The following SSC5D variants were observed in gnomAD, a reference collection of about 807,000 sequenced individuals.
The protein encoded by SSC5D is scavenger receptor cysteine rich family member with 5 domains.
SSC5D carries 106 observed loss-of-function variants against 104.6 expected under a neutral mutation model. That is an observed-to-expected ratio of 1.01 (90% CI 0.87 to 1.19). The LOEUF (loss-of-function observed/expected upper bound fraction) is 1.19, where lower values mean the gene tolerates loss of function less well. SSC5D is among the 50% of genes most tolerant of loss of function. The pLI, the probability that SSC5D is intolerant of heterozygous loss-of-function variation, is 0.00. For synonymous variants in SSC5D, 860 were observed against 883.5 expected (o/e 0.97, Z 0.47); for missense variants, 1,993 against 2,153.8 (o/e 0.93, Z 1.48).
intron 13 of SSC5D, among the ~76,000 whole-genome samples, 162 bp downstream of exon 13, chr19:55,513,334 A>G (rs1330630159): frequency 6.6e-6 from 1 of 152,186 alleles, no homozygotes; most frequent in Admixed American, 6.5e-5. Context: ...CATGCCTGTA[A>G]TCACAGCACT....
chr19:55,490,128 C>T, intron 4 of SSC5D, 133 bp downstream of exon 4: 1 of 632,028 alleles, frequency 1.6e-6, no homozygotes. Context: ...GGGACCTCTG[C>T]AGTATGAACT....
chr19:55,508,903 T>C (rs1437754080), intron 12 of SSC5D, among the ~76,000 whole-genome samples: 1 of 90,662 alleles, frequency 1.1e-5, no homozygotes, highest in East Asian at 3.5e-4. Context: ...GGAGGCCTCC[T>C]GAGGGCATGG....
At chr19:55,504,842 G>A (rs1987603174) in intron 12 of SSC5D, among the ~76,000 whole-genome samples, 1 of 152,146 alleles carries the variant, frequency 6.6e-6, no homozygotes, top group Non-Finnish European at 1.5e-5. Context: ...AGGGTTGTTG[G>A]AAAGGTGGAA....
At position 55,513,090 on chromosome 19, in the gene SSC5D, A is replaced by G; in HGVS notation, c.2865A>G (p.Ala955=). 1 of 1,550,586 alleles carries G rather than the reference A, an allele frequency of 6.4e-7. No individual in the cohort carries two copies. The change falls in exon 13 of 14, where the codon GCA becomes GCG. Residue 955 remains alanine, a synonymous_variant. Transcript: ENST00000389623. ...GRGLAEGTPT[A]GKLGPTLGAG... is the part of the protein sequence containing the mutation. Reference sequence around the variant, plus strand: ...GCCTGGCTGAGGGGACCCCTACCGCAGGCAAACTAGGACCAACTCTTGGGG... The same window carrying G: ...GCCTGGCTGAGGGGACCCCTACCGCGGGCAAACTAGGACCAACTCTTGGGG...
chr19:55,517,176 G>A (rs1987889458), intron 13 of SSC5D, 48 bp from the exon 14 acceptor site: 1 of 1,474,910 alleles, frequency 6.8e-7, no homozygotes. Flanking sequence ...CGTGGTGGGC[G>A]GAGCCGGTTG....
chr19:55,507,077 G>C (rs1446778031), intron 12 of SSC5D, among the ~76,000 whole-genome samples: 1 of 151,944 alleles, frequency 6.6e-6, no homozygotes, highest in African/African-American at 2.4e-5. Flanking sequence ...GCTGAGGCAG[G>C]AGAATCGCTT....
At position 55,500,847 on chromosome 19, in the gene SSC5D, CAGG is replaced by C. The variant is rs1400697410; in HGVS notation, c.2617+46_2617+48del. 9.2e-6 allele frequency: 14 copies of C among 1,520,924 alleles called. No individual in the cohort carries two copies. The South Asian group carries it at 1.6e-4, about 18-fold the overall frequency. 94.2% of individuals were successfully genotyped at this position (1,520,924 alleles called of 1,614,324 possible). On this transcript the variant is annotated intron_variant, in intron 11 of 13. Transcript: ENST00000389623. The surrounding 1 kb of genome is among the most constrained non-coding windows in gnomAD (Gnocchi z 4.6). Reference sequence around the variant, plus strand: ...CGGTGGTGGGGTTGTCGGGGGTGGCCAGGAGAATGGAGTCAGGGTGGGGCCAGG... The same window carrying C: ...CGGTGGTGGGGTTGTCGGGGGTGGCCAGAATGGAGTCAGGGTGGGGCCAGG...
chr19:55,497,875 C>T lies in SSC5D; in HGVS notation c.1388-5C>T, dbSNP rs934595309. 6.5e-7 allele frequency: 1 copy of T among 1,527,526 alleles called. No homozygotes were observed. The allele number at this position is 1,527,526 out of a possible 1,614,324, so 94.6% of individuals were successfully genotyped here. ...CTCTAATTCTTTGGGTCTCTTCTAC[C>T]CCAGGGTCCCCCCAGCTGCGCCTGG... is the stretch of plus-strand genomic sequence containing the variant. On this transcript the variant is annotated splice_polypyrimidine_tract_variant and splice_region_variant and intron_variant, in intron 8 of 13. Coordinates refer to ENST00000389623, the MANE Select transcript of SSC5D (RefSeq NM_001144950.2).
chr19:55,500,577 GTGA>G lies in SSC5D; in HGVS notation c.2394_2396del (p.Asp799del), dbSNP rs1268764254. 6.4e-7 allele frequency: 1 copy of G among 1,551,658 alleles called. No homozygotes were observed. The highest frequency in any genetic ancestry group is 8.7e-7 in the Non-Finnish European group (1 of 1,147,008). On this transcript the variant is annotated inframe_deletion, in exon 11 of 14. Transcript: ENST00000389623. This position sits in a 1 kb window ranked among gnomAD's most constrained non-coding sequence, Gnocchi z 4.6. ...CATGCCGGACGCTGGGGAACAGTGT[GTGA>G]TGACAACTGGGACCTGCGGGACGCC...
rs1987965473 is a variant in SSC5D at position 55,519,057 on chromosome 19, AAAAC to A, written c.*60_*63del. The stretch of plus-strand genomic sequence containing the variant: ...CCAACCAAAAAAAACAAAAACAAAA[AAAAC>A]CCCCAAAGTATCTAATTAAAAACAA... On this transcript the variant is annotated 3_prime_UTR_variant, in exon 14 of 14. Transcript: ENST00000389623. 2 of 1,488,454 alleles carry A rather than the reference AAAAC, an allele frequency of 1.3e-6. No homozygotes were observed. Among genetic ancestry groups the A allele is most frequent in the Admixed American group, 2.5e-5 (1 of 39,608 alleles). The allele number at this position is 1,488,454 out of a possible 1,614,324, so 92.2% of individuals were successfully genotyped here.
chr19:55,514,406 AAATAAT>A (rs55837985), intron 13 of SSC5D, among the ~76,000 whole-genome samples: 24,306 of 99,186 alleles, frequency 0.25, 3,467 homozygotes, highest in Non-Finnish European at 0.33. Context: ...CTCTGTCTCA[AAATAAT>A]AATAATAATA....
Position 55,499,798 on chromosome 19 carries a change from G to A in SSC5D, c.1706-18G>A, listed in dbSNP as rs1335506219. 2 of 1,543,386 alleles carry A rather than the reference G, an allele frequency of 1.3e-6. No individual in the cohort carries two copies. The highest frequency in any genetic ancestry group is 2.5e-5 in the East Asian group (1 of 40,786). On this transcript the variant is annotated intron_variant, in intron 9 of 13. Coordinates refer to ENST00000389623, the MANE Select transcript of SSC5D (RefSeq NM_001144950.2). Reference sequence around the variant, plus strand: ...CATGGTGTCTCTGTCTTCTCTTCCTGCCCCACTCACCTTCCAGGGCCCCCA... The same window carrying A: ...CATGGTGTCTCTGTCTTCTCTTCCTACCCCACTCACCTTCCAGGGCCCCCA...
At chr19:55,493,994 G>GCCCCC in intron 7 of SSC5D, 82 bp downstream of exon 7, 1 of 143,312 alleles carries the variant, frequency 7.0e-6, no homozygotes, top group East Asian at 2.4e-4. Context: ...GGGCGGGGGG[G>GCCCCC]TCCCTACGCG....
Position 55,503,631 on chromosome 19 carries a change from C to G in SSC5D, c.2785+2430C>G, listed in dbSNP as rs958270676. ...ACCTAAGGGGCAGCGTTTCTGTCCT[C>G]CCTCTGTGCCCGTCGCAGTCGCTGT... On this transcript the variant is annotated intron_variant, in intron 12 of 13. Transcript: ENST00000389623. This position sits in a 1 kb window ranked among gnomAD's most constrained non-coding sequence, Gnocchi z 4.0. Among the ~76,000 whole-genome samples the G allele has an allele frequency of 6.6e-6, 1 of 152,172 alleles. No homozygotes were observed. Among genetic ancestry groups the G allele is most frequent in the Non-Finnish European group, 1.5e-5 (1 of 68,040 alleles).
In SSC5D at chr19:55,518,526, G is replaced by T. The variant is rs1269705499; in HGVS notation, c.4250G>T (p.Ser1417Ile). The T allele has an allele frequency of 6.4e-7, 1 of 1,550,534 alleles. No individual in the cohort carries two copies. Among genetic ancestry groups the T allele is most frequent in the Admixed American group, 2.0e-5 (1 of 50,926 alleles). ...TEDFKPPRSQSPNLTPPPTHT... is the reference protein window; with the variant it reads ...TEDFKPPRSQIPNLTPPPTHT... ...GACTTCAAGCCACCCAGAAGCCAGAGCCCCAACCTAACCCCTCCACCCACC... is the reference window on the plus strand; with the variant it reads ...GACTTCAAGCCACCCAGAAGCCAGATCCCCAACCTAACCCCTCCACCCACC... The change falls in exon 14 of 14, where the codon AGC (serine) becomes ATC (isoleucine). Residue 1417 changes from serine to isoleucine, a missense_variant. By Grantham distance (142) the Ser-to-Ile change is moderately radical. Around this residue, in one of 6 missense-constraint regions of SSC5D, gnomAD observed 349 missense variants for 397.6 expected, o/e 0.88. Transcript: ENST00000389623.
intron 13 of SSC5D, among the ~76,000 whole-genome samples, chr19:55,516,220 G>A (rs1191752372): frequency 6.6e-6 from 1 of 151,504 alleles, no homozygotes; most frequent in African/African-American, 2.4e-5. Flanking sequence ...ACTGAAGGCC[G>A]GGCGCGATGG....
intron 12 of SSC5D, among the ~76,000 whole-genome samples, chr19:55,505,555 T>C (rs1286288520): frequency 6.6e-6 from 1 of 151,768 alleles, no homozygotes; most frequent in Non-Finnish European, 1.5e-5. Flanking sequence ...AGCAGGGTGG[T>C]TCCCTTTGGA....
chr19:55,494,646 C>A lies in SSC5D; in HGVS notation c.1250C>A (p.Thr417Lys). ...PLGYVPPTAP[T>K]DSNNSTPREA... ...GGCTACGTCCCTCCCACGGCCCCCACGGACAGCAACAACTCCACGCCCAGG... is the reference window on the plus strand; with the variant it reads ...GGCTACGTCCCTCCCACGGCCCCCAAGGACAGCAACAACTCCACGCCCAGG... Residue 417 changes from threonine (T) to lysine (K), a missense_variant, in exon 8 of 14, where the codon ACG becomes AAG. Thr to Lys is a moderately conservative substitution (Grantham distance 78, BLOSUM62 -1). Coordinates refer to ENST00000389623, the MANE Select transcript of SSC5D (RefSeq NM_001144950.2). 1.3e-6 allele frequency: 2 copies of A among 1,546,170 alleles called. No individual in the cohort carries two copies. Among genetic ancestry groups the A allele is most frequent in the South Asian group, 2.4e-5 (2 of 83,464 alleles).
At chr19:55,502,165 C>T (rs755198947) in intron 12 of SSC5D, among the ~76,000 whole-genome samples, 2 of 152,186 alleles carry the variant, frequency 1.3e-5, no homozygotes, top group Non-Finnish European at 2.9e-5. Flanking sequence ...TCTCAAAGTG[C>T]TGGGCTTATG....
Sources: gnomAD v4.1 joint callset for allele counts (sites outside exome capture counted in the v4.1 genomes callset) on GRCh38, gnomAD v4.1.1 for gene constraint, gnomAD v4.1.1 regional missense constraint, Gnocchi (gnomAD v3.1) non-coding constraint, MANE v1.5 for transcripts, NCBI Gene and HGNC (gene_info 2026-07-23, HGNC 2026-07-21) for gene names.